Variants in CELF2 observed in about 807,000 individuals in gnomAD.
CELF2 encodes CUGBP Elav-like family member 2, also known as CUG triplet repeat RNA-binding protein 2.
CELF2 carries 8 observed loss-of-function variants against 62.6 expected under a neutral mutation model. That is an observed-to-expected ratio of 0.13 (90% CI 0.07 to 0.23). The LOEUF (loss-of-function observed/expected upper bound fraction) is 0.23. Ranked by LOEUF, CELF2 falls within the 10% of genes least tolerant of loss-of-function variation. CELF2 has a pLI of 1.00. For synonymous variants in CELF2, 258 were observed against 250.0 expected, an observed-to-expected ratio of 1.03 and a Z score of -0.30; for missense variants, 333 against 671.0, an observed-to-expected ratio of 0.50 and a Z score of 5.56.
At chr10:10,537,271 G>A in the CELF2 span, among the ~76,000 whole-genome samples, 6 of 152,198 alleles carry the variant, frequency 3.9e-5, no homozygotes, top group Admixed American at 6.5e-5. Context: ...AGATGGATAA[G>A]AGGGTGAGTT....
Position 11,177,875 on chromosome 10 carries a change from G to T in CELF2, c.271+12193G>T, listed in dbSNP as rs1167589743. 2.6e-5 allele frequency among the ~76,000 whole-genome samples: 4 copies of T among 152,108 alleles called. No individual in the cohort carries two copies. Among genetic ancestry groups the T allele is most frequent in the African/African-American group, 9.7e-5 (4 of 41,416 alleles). On this transcript the variant is annotated intron_variant, in intron 2 of 12. Transcript: ENST00000633077. This position sits in a 1 kb window ranked among gnomAD's most constrained non-coding sequence, Gnocchi z 4.8. ...CATGGTGGAGGCTGCGGAGAGTGTT[G>T]TAGGCAGTTGCAGTGCCCGTCACTC...
chr10:11,148,034 G>A (rs752592186), intron 1 of CELF2, among the ~76,000 whole-genome samples: 8 of 152,226 alleles, frequency 5.3e-5, no homozygotes, highest in South Asian at 2.1e-4. Context: ...ATTAAAGTAC[G>A]AGAGCGCTGC....
intron 2 of CELF2, among the ~76,000 whole-genome samples, chr10:11,179,237 C>T (rs2072387515): frequency 6.6e-6 from 1 of 151,778 alleles, no homozygotes; most frequent in African/African-American, 2.4e-5. Flanking sequence ...ATTTTCTTTC[C>T]TGGCATTCAT....
chr10:11,257,398 A>T (rs1368160335), intron 4 of CELF2, among the ~76,000 whole-genome samples: 1 of 151,602 alleles, frequency 6.6e-6, no homozygotes, highest in Admixed American at 6.6e-5. Context: ...AGAGAATGGT[A>T]GTGTTGAACA....
the CELF2 span, among the ~76,000 whole-genome samples, chr10:10,547,692 A>AGAGAGTGTGTGTGT: frequency 1.7e-4 from 23 of 138,006 alleles, no homozygotes; most frequent in Non-Finnish European, 2.3e-4. Context: ...AGAGAGAGAG[A>AGAGAGTGTGTGTGT]GTGTGTGTGT....
At chr10:10,988,377 A>T (rs2053051208) in intron 2 of CELF2, among the ~76,000 whole-genome samples, 1 of 152,066 alleles carries the variant, frequency 6.6e-6, no homozygotes, top group Non-Finnish European at 1.5e-5. Context: ...ACTTGGTTGG[A>T]GCCAGAGGCC....
chr10:11,093,899 A>G (rs2049028868), intron 1 of CELF2, among the ~76,000 whole-genome samples: 1 of 152,156 alleles, frequency 6.6e-6, no homozygotes, highest in African/African-American at 2.4e-5. Context: ...GAAGAAATTA[A>G]CTCTTCTAAG....
At chr10:11,197,050 A>G (rs1228645439) in intron 2 of CELF2, among the ~76,000 whole-genome samples, 7 of 104,866 alleles carry the variant, frequency 6.7e-5, no homozygotes, top group African/African-American at 2.6e-4. Flanking sequence ...AGAAAGAAAG[A>G]AAGAAAGAAA....
chr10:11,017,840 G>GTTA, upstream of CELF2: 1 of 568,038 alleles, frequency 1.8e-6, no homozygotes, highest in South Asian at 7.6e-5. This position sits in a 1 kb window ranked among gnomAD's most constrained non-coding sequence, Gnocchi z 5.5. Context: ...GGCCCGCAGG[G>GTTA]GTTAAGCGGC....
rs763426043 is a variant in CELF2 at position 11,243,406 on chromosome 10, A to G, written c.355-5747A>G. ...CTAAAAATTCATGTACCATCAAGGAAATCTTCACATGAATGGGTTTAGAAG... is the reference window on the plus strand; with the variant it reads ...CTAAAAATTCATGTACCATCAAGGAGATCTTCACATGAATGGGTTTAGAAG... On this transcript the variant is annotated intron_variant, in intron 3 of 12. Coordinates refer to ENST00000633077, the MANE Select transcript of CELF2 (RefSeq NM_001326342.2). This position sits in a 1 kb window ranked among gnomAD's most constrained non-coding sequence, Gnocchi z 4.1. 4.6e-5 allele frequency among the ~76,000 whole-genome samples: 7 copies of G among 152,184 alleles called. No homozygotes were observed. The highest frequency in any genetic ancestry group is 8.8e-5 in the Non-Finnish European group (6 of 68,020).
chr10:10,796,573 C>T (rs2131408120), upstream of CELF2, among the ~76,000 whole-genome samples: 1 of 152,324 alleles, frequency 6.6e-6, no homozygotes, highest in African/African-American at 2.4e-5. Flanking sequence ...CCCTCCCTTC[C>T]CCAGACCTGA....
chr10:11,164,543 G>A (rs1296094376), intron 1 of CELF2, among the ~76,000 whole-genome samples: 2 of 152,174 alleles, frequency 1.3e-5, no homozygotes, highest in Non-Finnish European at 2.9e-5. Flanking sequence ...TCCCAAACGT[G>A]TGATTGTTTA....
the CELF2 span, among the ~76,000 whole-genome samples, chr10:10,699,010 A>G: frequency 6.6e-6 from 1 of 152,082 alleles, no homozygotes; most frequent in African/African-American, 2.4e-5. Flanking sequence ...GTATATAAAA[A>G]TGCTTATATA....
At chr10:11,299,815 A>ATT (rs56084272) in intron 9 of CELF2, among the ~76,000 whole-genome samples, 42 of 150,686 alleles carry the variant, frequency 2.8e-4, no homozygotes, top group Non-Finnish European at 4.1e-4. Flanking sequence ...GATCATCAAC[A>ATT]TTTTTTTTTT....
intron 2 of CELF2, among the ~76,000 whole-genome samples, chr10:11,169,490 G>A (rs75134802): frequency 3.9e-5 from 6 of 152,296 alleles, no homozygotes; most frequent in East Asian, 3.9e-4. Flanking sequence ...ATGCAGGTGC[G>A]GAAGTGCAGG....
rs1385411948 is a variant in CELF2 at position 11,227,159 on chromosome 10, C to T, written c.354+9652C>T. On this transcript the variant is annotated intron_variant, in intron 3 of 12. Transcript: ENST00000633077. This position sits in a 1 kb window ranked among gnomAD's most constrained non-coding sequence, Gnocchi z 4.8. ...GTTGTGAAACAAACGGAAACCTCAA[C>T]CTGCCTGCCATCATCACACCCTCCT... 2.6e-5 allele frequency among the ~76,000 whole-genome samples: 4 copies of T among 152,240 alleles called. No homozygotes were observed. The highest frequency in any genetic ancestry group is 5.9e-5 in the Non-Finnish European group (4 of 68,040).
chr10:10,786,250 G>A, the CELF2 span, among the ~76,000 whole-genome samples: 1 of 152,080 alleles, frequency 6.6e-6, no homozygotes, highest in South Asian at 2.1e-4. Flanking sequence ...GACAATACAT[G>A]CCTCATCGTG....
At chr10:10,851,688 A>G (rs1288271668) in intron 1 of CELF2, among the ~76,000 whole-genome samples, 1 of 152,230 alleles carries the variant, frequency 6.6e-6, no homozygotes, top group Non-Finnish European at 1.5e-5. Flanking sequence ...AAATAGGTCT[A>G]AATCCTCTCT....
chr10:11,142,169 G>C (rs898476431), intron 1 of CELF2, among the ~76,000 whole-genome samples: 2 of 152,204 alleles, frequency 1.3e-5, no homozygotes, highest in Non-Finnish European at 2.9e-5. Context: ...GTTTAGAGAA[G>C]AATTGATCAC....
Sources: gnomAD v4.1 joint callset for allele counts (sites outside exome capture counted in the v4.1 genomes callset) on GRCh38, gnomAD v4.1.1 for gene constraint, Gnocchi (gnomAD v3.1) non-coding constraint, MANE v1.5 for transcripts, NCBI Gene and HGNC (gene_info 2026-07-23, HGNC 2026-07-21) for gene names.